Variants in VPS13B observed in about 807,000 individuals in gnomAD.
VPS13B encodes vacuolar protein sorting 13 homolog B, also known as intermembrane lipid transfer protein VPS13B.
VPS13B carries 285 observed loss-of-function variants against 426.4 expected under a neutral mutation model. That is an observed-to-expected ratio of 0.67 (90% CI 0.61 to 0.74). The LOEUF (loss-of-function observed/expected upper bound fraction) is 0.74. Ranked by LOEUF, VPS13B falls within the 30% of genes least tolerant of loss-of-function variation. VPS13B has a pLI of 0.00. For synonymous variants in VPS13B, 1,676 were observed against 1,676.4 expected (o/e 1.00, Z 0.01); for missense variants, 4,537 against 4,782.6 (o/e 0.95, Z 1.51).
chr8:99,621,976 G>A (rs960961198), intron 33 of VPS13B, among the ~76,000 whole-genome samples: 1 of 151,824 alleles, frequency 6.6e-6, no homozygotes. Context: ...TGGGACTACA[G>A]GCACTCACCA....
intron 43 of VPS13B, among the ~76,000 whole-genome samples, chr8:99,806,645 C>T (rs1036712812): frequency 6.6e-6 from 1 of 152,112 alleles, no homozygotes; most frequent in Non-Finnish European, 1.5e-5. Flanking sequence ...GGATAATGAT[C>T]GAAATCTCAT....
chr8:99,259,602 G>T (rs1389860550), intron 17 of VPS13B, among the ~76,000 whole-genome samples: 4 of 152,150 alleles, frequency 2.6e-5, no homozygotes, highest in Middle Eastern at 3.4e-3. Flanking sequence ...TTTTGTGTTG[G>T]CCTTGATTGG....
chr8:99,573,861 A>G (rs974202726), intron 31 of VPS13B, among the ~76,000 whole-genome samples: 6 of 152,030 alleles, frequency 3.9e-5, no homozygotes, highest in African/African-American at 1.4e-4. Context: ...CTTGATGGGG[A>G]TGGCATTGAA....
intron 19 of VPS13B, among the ~76,000 whole-genome samples, chr8:99,286,964 C>T (rs940994888): frequency 6.6e-6 from 1 of 152,070 alleles, no homozygotes; most frequent in African/African-American, 2.4e-5. Context: ...TTGAGTTTTA[C>T]TTTTCAAATA....
At position 99,502,916 on chromosome 8, in the gene VPS13B, A is replaced by G. The variant is rs1191374608; in HGVS notation, c.4123A>G (p.Ile1375Val). 6.2e-7 allele frequency: 1 copy of G among 1,612,600 alleles called. No individual in the cohort carries two copies. The highest frequency in any genetic ancestry group is 8.5e-7 in the Non-Finnish European group (1 of 1,179,036). ...TGTATATACCAAAGTGAAATGTAAA[A>G]TAGAGAGTTTCAATATTGATCACTA... ...QDVYTKVKCKIESFNIDHYRS... is the reference protein window; with the variant it reads ...QDVYTKVKCKVESFNIDHYRS... Residue 1375 changes from isoleucine (I) to valine (V), a missense_variant, in exon 27 of 62, where the codon ATA becomes GTA. By Grantham distance (29) the Ile-to-Val change is conservative (BLOSUM62 3). Coordinates refer to ENST00000357162, the MANE Select transcript of VPS13B (RefSeq NM_152564.5).
intron 3 of VPS13B, among the ~76,000 whole-genome samples, chr8:99,083,964 G>A (rs1171617127): frequency 6.6e-6 from 1 of 151,500 alleles, no homozygotes; most frequent in East Asian, 1.9e-4. Flanking sequence ...GGATGATGCT[G>A]GCCTCATAAA....
intron 39 of VPS13B, among the ~76,000 whole-genome samples, chr8:99,763,135 CAAAAAAAAAAAAAAA>C (rs750289763): frequency 2.8e-5 from 1 of 35,848 alleles, no homozygotes; most frequent in African/African-American, 1.4e-4. Context: ...GACCTTGTCT[CAAAAAAAAAAAAAAA>C]AAAAAAAAAA....
chr8:99,030,135 C>CTTTTTTTTTT (rs58542671), intron 2 of VPS13B, among the ~76,000 whole-genome samples: 26 of 75,726 alleles, frequency 3.4e-4, no homozygotes, highest in Non-Finnish European at 5.5e-4. Context: ...AAAATACATG[C>CTTTTTTTTTT]TTTTTTTTTT....
chr8:99,735,157 T>G (rs1588666241), intron 39 of VPS13B, among the ~76,000 whole-genome samples: 1 of 152,064 alleles, frequency 6.6e-6, no homozygotes, highest in Non-Finnish European at 1.5e-5. Flanking sequence ...GAAGTCACAC[T>G]CAGAAAAAGT....
Position 99,250,664 on chromosome 8 carries a change from C to CTTTTTTTTTTTTTT in VPS13B, c.2516-23509_2516-23496dup, listed in dbSNP as rs60698750. 2.2e-4 allele frequency among the ~76,000 whole-genome samples: 8 copies of CTTTTTTTTTTTTTT among 35,806 alleles called. 3 individuals are homozygous for CTTTTTTTTTTTTTT. The highest frequency in any genetic ancestry group is 9.6e-4 in the Admixed American group (2 of 2,090). 23.5% of individuals were successfully genotyped at this position (35,806 alleles called of 152,430 possible). ...CTGTCCACTAATCCGTGTGTTTATT[C>CTTTTTTTTTTTTTT]TTTTTTTTTTTTTTTTTTTTTTTTT... is the stretch of plus-strand genomic sequence containing the variant. On this transcript the variant is annotated intron_variant, in intron 17 of 61. Coordinates refer to ENST00000357162, the MANE Select transcript of VPS13B (RefSeq NM_152564.5).
chr8:99,126,911 T>A (rs1848209247), intron 8 of VPS13B, among the ~76,000 whole-genome samples: 1 of 152,114 alleles, frequency 6.6e-6, no homozygotes, highest in Non-Finnish European at 1.5e-5. Context: ...CATGCAAATA[T>A]GGTGAAACTC....
chr8:99,730,308 C>T (rs879061946), intron 39 of VPS13B, among the ~76,000 whole-genome samples: 3 of 152,070 alleles, frequency 2.0e-5, no homozygotes, highest in African/African-American at 2.4e-5. Flanking sequence ...GGAGGTTGAG[C>T]CAGACTCTTA....
rs1221920001 is a variant in VPS13B at position 99,733,377 on chromosome 8, T to C, written c.7050+12330T>C. Among the ~76,000 whole-genome samples, 5 of 152,326 alleles carry C rather than the reference T, an allele frequency of 3.3e-5. No homozygotes were observed. In the East Asian group the frequency reaches 5.8e-4, roughly 18 times the overall value. On this transcript the variant is annotated intron_variant, in intron 39 of 61. Transcript: ENST00000357162. ...TCAGCTGGTGATCTCGGGCAAGTTA[T>C]GTAAAGTAACTTCTTAGTACTTCAG... is the stretch of plus-strand genomic sequence containing the variant.
At chr8:99,494,126 G>A (rs965123175) in intron 25 of VPS13B, among the ~76,000 whole-genome samples, 1 of 151,852 alleles carries the variant, frequency 6.6e-6, no homozygotes, top group Admixed American at 6.6e-5. Flanking sequence ...AAGTTTTTTG[G>A]CTTAATTTTT....
rs1844545495 is a variant in VPS13B, at chr8:99,066,839, G to T, written c.291+28273G>T. Among the ~76,000 whole-genome samples the T allele has an allele frequency of 2.0e-5, 3 of 149,822 alleles. No individual in the cohort carries two copies. In the South Asian group the frequency reaches 6.3e-4, roughly 31 times the overall value. On this transcript the variant is annotated intron_variant, in intron 3 of 61. Transcript: ENST00000357162. Reference sequence around the variant, plus strand: ...CAATCCCATCAAAAAGTGGGCAAAGGACAGACACTTCTCAAAAGAAGACAT... The same window carrying T: ...CAATCCCATCAAAAAGTGGGCAAAGTACAGACACTTCTCAAAAGAAGACAT...
intron 42 of VPS13B, among the ~76,000 whole-genome samples, chr8:99,784,093 G>T (rs1812144094): frequency 6.6e-6 from 1 of 152,066 alleles, no homozygotes; most frequent in Non-Finnish European, 1.5e-5. Context: ...TTATTTTGAG[G>T]GAGTATAAAT....
chr8:99,269,464 C>T (rs1029633896), intron 17 of VPS13B, among the ~76,000 whole-genome samples: 59 of 152,170 alleles, frequency 3.9e-4, no homozygotes, highest in African/African-American at 1.3e-3. Context: ...CCTACAAAAG[C>T]ATTATACTCT....
intron 3 of VPS13B, among the ~76,000 whole-genome samples, chr8:99,070,598 TTTCTGATACTCCCC>T (rs1844803734): frequency 1.3e-5 from 2 of 152,204 alleles, no homozygotes; most frequent in South Asian, 4.1e-4. Context: ...GTTTTTTGTT[TTTCTGATACTCCCC>T]TTCAGAGACA....
chr8:99,319,426 A>C (rs528769108), intron 19 of VPS13B, among the ~76,000 whole-genome samples: 42 of 152,308 alleles, frequency 2.8e-4, no homozygotes, highest in Non-Finnish European at 5.9e-4. Flanking sequence ...TTAGATGTAA[A>C]ATTGAGTTAG....
Sources: gnomAD v4.1 joint callset for allele counts (sites outside exome capture counted in the v4.1 genomes callset) on GRCh38, gnomAD v4.1.1 for gene constraint, MANE v1.5 for transcripts, NCBI Gene and HGNC (gene_info 2026-07-23, HGNC 2026-07-21) for gene names.